Variants in MTHFD2L observed in about 807,000 individuals in gnomAD.
MTHFD2L encodes bifunctional methylenetetrahydrofolate dehydrogenase/cyclohydrolase 2, mitochondrial.
MTHFD2L carries 29 observed loss-of-function variants against 34.9 expected under a neutral mutation model. That is an observed-to-expected ratio of 0.83 (90% CI 0.62 to 1.13). The LOEUF (loss-of-function observed/expected upper bound fraction) is 1.13, where lower values mean the gene tolerates loss of function less well. MTHFD2L is among the 50% of genes most tolerant of loss of function. MTHFD2L has a pLI of 0.00. For synonymous variants in MTHFD2L, 167 were observed against 155.7 expected (o/e 1.07, Z -0.54); for missense variants, 481 against 446.5 (o/e 1.08, Z -0.70).
chr4:74,241,948 C>T (rs73824429), intron 6 of MTHFD2L: 3,128 of 154,284 alleles, frequency 0.02, 89 homozygotes, highest in African/African-American at 0.07. Context: ...TAGCGGTTTC[C>T]GGGAGTCAAG....
chr4:74,203,959 G>C (rs372380246), intron 5 of MTHFD2L, among the ~76,000 whole-genome samples: 2 of 150,620 alleles, frequency 1.3e-5, no homozygotes, highest in East Asian at 3.9e-4. Flanking sequence ...ACAGTGTATT[G>C]CTCCGTGATT....
intron 6 of MTHFD2L, among the ~76,000 whole-genome samples, chr4:74,258,748 A>C (rs1744334844): frequency 6.6e-6 from 1 of 152,186 alleles, no homozygotes; most frequent in Non-Finnish European, 1.5e-5. Context: ...AATTTGATTT[A>C]AACATTCATC....
intron 6 of MTHFD2L, among the ~76,000 whole-genome samples, chr4:74,235,993 A>C (rs1220956836): frequency 6.6e-6 from 1 of 152,194 alleles, no homozygotes; most frequent in Non-Finnish European, 1.5e-5. Context: ...AATTTTTTAC[A>C]TGTAAAAGAT....
intron 1 of MTHFD2L, among the ~76,000 whole-genome samples, chr4:74,138,298 T>A (rs560056685): frequency 6.6e-6 from 1 of 152,108 alleles, no homozygotes; most frequent in African/African-American, 2.4e-5. Context: ...CTGGCTTTGT[T>A]ACAGGCGGGT....
chr4:74,225,796 A>G, intron 6 of MTHFD2L, among the ~76,000 whole-genome samples: 1 of 152,160 alleles, frequency 6.6e-6, no homozygotes, highest in African/African-American at 2.4e-5. Flanking sequence ...AAAGATAGTC[A>G]CTATGCTGCC....
intron 7 of MTHFD2L, among the ~76,000 whole-genome samples, chr4:74,282,039 G>C (rs1448556690): frequency 6.6e-6 from 1 of 151,998 alleles, no homozygotes; most frequent in African/African-American, 2.4e-5. Context: ...TTTCACTTGT[G>C]TTTTAGAGAG....
chr4:74,199,686 T>G (rs1734078276), intron 3 of MTHFD2L, 108 bp from the exon 4 acceptor site: 8 of 956,572 alleles, frequency 8.4e-6, no homozygotes, highest in Middle Eastern at 2.9e-4. Flanking sequence ...TTACACCTTT[T>G]TTAGAGCCGA....
At chr4:74,196,945 CAA>C (rs571646612) in intron 3 of MTHFD2L, among the ~76,000 whole-genome samples, 2,011 of 59,366 alleles carry the variant, frequency 0.034, 38 homozygotes, top group African/African-American at 0.11. Flanking sequence ...GACTCTGTCT[CAA>C]AAAAAAAAAA....
chr4:74,210,783 GGCC>G (rs1470036724), intron 5 of MTHFD2L, among the ~76,000 whole-genome samples: 3 of 152,120 alleles, frequency 2.0e-5, no homozygotes, highest in African/African-American at 4.8e-5. Flanking sequence ...TGGGCAGTAT[GGCC>G]ATTTTCATGA....
At chr4:74,138,374 A>G (rs1234878461) in intron 1 of MTHFD2L, among the ~76,000 whole-genome samples, 2 of 152,166 alleles carry the variant, frequency 1.3e-5, no homozygotes, top group Non-Finnish European at 2.9e-5. Flanking sequence ...TGCTCCCAAT[A>G]CGGCAGCAAA....
chr4:74,223,255 A>T (rs1738546001), intron 5 of MTHFD2L, among the ~76,000 whole-genome samples: 2 of 152,100 alleles, frequency 1.3e-5, no homozygotes, highest in East Asian at 1.9e-4. Context: ...ACATACACAC[A>T]CACACATACA....
intron 7 of MTHFD2L, among the ~76,000 whole-genome samples, chr4:74,287,899 A>G (rs1402901292): frequency 1.3e-5 from 2 of 152,220 alleles, no homozygotes; most frequent in East Asian, 1.9e-4. Flanking sequence ...AAAGTACCAC[A>G]GACAGAATGG....
intron 4 of MTHFD2L, 33 bp downstream of exon 4, chr4:74,199,979 C>G: frequency 3.7e-6 from 6 of 1,610,938 alleles, no homozygotes; most frequent in Non-Finnish European, 5.1e-6. Flanking sequence ...GACATGGATG[C>G]TAGGTGCTGA....
chr4:74,180,490 G>A (rs1051245753), intron 3 of MTHFD2L, among the ~76,000 whole-genome samples: 12 of 151,866 alleles, frequency 7.9e-5, no homozygotes, highest in African/African-American at 1.7e-4. Flanking sequence ...CACAATTATG[G>A]CAATGTCTTG....
intron 3 of MTHFD2L, among the ~76,000 whole-genome samples, chr4:74,189,491 T>C (rs865991310): frequency 0.024 from 3,472 of 144,716 alleles, 202 homozygotes; most frequent in African/African-American, 0.086. Context: ...CTTCCTTTTT[T>C]TTTTTTTTTT....
At chr4:74,162,052 A>C (rs961057182) in intron 1 of MTHFD2L, 2 of 152,220 alleles carry the variant, frequency 1.3e-5, no homozygotes, top group African/African-American at 4.8e-5. Context: ...TACAATGTAG[A>C]AAACTTTATG....
At chr4:74,137,017 A>G (rs986996572) in intron 1 of MTHFD2L, among the ~76,000 whole-genome samples, 11 of 152,176 alleles carry the variant, frequency 7.2e-5, no homozygotes, top group African/African-American at 2.4e-4. Context: ...ATGAACTACT[A>G]GAATAAAACT....
At chr4:74,235,604 C>G (rs1740722980) in intron 6 of MTHFD2L, among the ~76,000 whole-genome samples, 1 of 152,002 alleles carries the variant, frequency 6.6e-6, no homozygotes, top group Non-Finnish European at 1.5e-5. Context: ...GACACGAATT[C>G]ATGGATAAAA....
chr4:74,117,206 T>C (rs1371711114), intron 2 of MTHFD2L, among the ~76,000 whole-genome samples: 2 of 152,194 alleles, frequency 1.3e-5, no homozygotes, highest in South Asian at 2.1e-4. Context: ...AGTCATGGCA[T>C]GCTGAGCTTA....
Sources: allele counts gnomAD v4.1 joint callset (sites outside exome capture counted in the v4.1 genomes callset), GRCh38; gene constraint gnomAD v4.1.1; transcripts MANE v1.5; gene names NCBI Gene and HGNC (gene_info 2026-07-23, HGNC 2026-07-21).